The following ETFDH variants were observed in gnomAD, a reference collection of about 807,000 sequenced individuals.
The protein encoded by ETFDH is electron transfer flavoprotein dehydrogenase.
ETFDH carries 61 observed loss-of-function variants against 73.2 expected under a neutral mutation model. That is an observed-to-expected ratio of 0.83 (90% CI 0.68 to 1.03). The LOEUF (loss-of-function observed/expected upper bound fraction) is 1.03, where lower values mean the gene tolerates loss of function less well. ETFDH is among the 50% of genes least tolerant of loss of function. The pLI is 0.00. For synonymous variants in ETFDH, 243 were observed against 253.3 expected (o/e 0.96, Z 0.39); for missense variants, 685 against 745.0 (o/e 0.92, Z 0.94).
intron 6 of ETFDH, among the ~76,000 whole-genome samples, chr4:158,691,536 G>T (rs747539649): frequency 6.6e-6 from 1 of 151,858 alleles, no homozygotes; most frequent in Non-Finnish European, 1.5e-5. Context: ...TGTTGGCCAC[G>T]CTGGTCTTGA....
At position 158,672,354 on chromosome 4, in the gene ETFDH, C is replaced by T; in HGVS notation, c.-103C>T. On this transcript the variant is annotated 5_prime_UTR_variant, in exon 1 of 13. Transcript: ENST00000511912. The stretch of plus-strand genomic sequence containing the variant: ...GAACTGCAGCAGAGTTCTTGCTTTC[C>T]GGCAGGTGATGGCGCCCCCCGCGGC... The T allele has an allele frequency of 4.2e-6, 5 of 1,193,254 alleles. No homozygotes were observed. The highest frequency in any genetic ancestry group is 1.2e-5 in the South Asian group (1 of 82,682). The allele number at this position is 1,193,254 out of a possible 1,614,324, so 73.9% of individuals were successfully genotyped here.
At chr4:158,682,874 A>T (rs991847667) in intron 3 of ETFDH, among the ~76,000 whole-genome samples, 5 of 151,790 alleles carry the variant, frequency 3.3e-5, no homozygotes, top group Admixed American at 6.6e-5. Context: ...TTTTTAAATT[A>T]AAAAAAAATT....
At chr4:158,680,632 C>A (rs1773830962) in intron 2 of ETFDH, 25 bp downstream of exon 2, 2 of 1,589,456 alleles carry the variant, frequency 1.3e-6, no homozygotes, top group Admixed American at 1.7e-5. Flanking sequence ...GTGTACAATT[C>A]CTGAGACTTT....
chr4:158,673,161 G>A (rs1032508308), intron 1 of ETFDH, among the ~76,000 whole-genome samples: 1 of 152,156 alleles, frequency 6.6e-6, no homozygotes, highest in African/African-American at 2.4e-5. Flanking sequence ...AAAATTAGCT[G>A]GGCGTTGTGG....
intron 1 of ETFDH, among the ~76,000 whole-genome samples, chr4:158,673,886 A>G (rs541696977): frequency 1.4e-4 from 22 of 152,346 alleles, no homozygotes; most frequent in East Asian, 7.7e-4. Context: ...TGGTGATGCT[A>G]TGAGTTCAGT....
intron 1 of ETFDH, among the ~76,000 whole-genome samples, chr4:158,678,757 C>A (rs532699040): frequency 6.0e-5 from 9 of 151,218 alleles, no homozygotes; most frequent in African/African-American, 1.9e-4. Flanking sequence ...TAGTGATCAT[C>A]GTACCTCAGC....
At chr4:158,675,944 C>G (rs1423594490) in intron 1 of ETFDH, among the ~76,000 whole-genome samples, 6 of 152,086 alleles carry the variant, frequency 3.9e-5, no homozygotes, top group Non-Finnish European at 7.4e-5. Context: ...TTGCATTCCC[C>G]CAGGAGTGTA....
Position 158,672,411 on chromosome 4 carries a change from A to ACAGT in ETFDH, c.-44_-41dup. 6 of 1,609,794 alleles carry ACAGT rather than the reference A, an allele frequency of 3.7e-6. No individual in the cohort carries two copies. The highest frequency in any genetic ancestry group is 4.3e-6 in the Non-Finnish European group (5 of 1,176,162). On this transcript the variant is annotated 5_prime_UTR_variant, in exon 1 of 13. Coordinates refer to ENST00000511912, the MANE Select transcript of ETFDH (RefSeq NM_004453.4). The stretch of plus-strand genomic sequence containing the variant: ...GTCCAGCGCCCGCCGCGAGCAGCGG[A>ACAGT]CAGTCCTCCTGTTGTGTCCGACCGA...
At chr4:158,706,485 G>A in intron 11 of ETFDH, 114 bp downstream of exon 11, 1 of 1,116,742 alleles carries the variant, frequency 9.0e-7, no homozygotes, top group Non-Finnish European at 1.3e-6. Flanking sequence ...TATAAATTTA[G>A]TGTCTAAGAA....
At chr4:158,703,731 T>G in intron 10 of ETFDH, 140 bp downstream of exon 10, 1 of 637,030 alleles carries the variant, frequency 1.6e-6, no homozygotes, top group Non-Finnish European at 2.8e-6. Context: ...ACTACATGGC[T>G]TATTCTCAAT....
intron 8 of ETFDH, among the ~76,000 whole-genome samples, 189 bp from the exon 9 acceptor site, chr4:158,698,798 T>C (rs1774379065): frequency 6.6e-6 from 1 of 151,708 alleles, no homozygotes; most frequent in Non-Finnish European, 1.5e-5. Context: ...TCCTTTTCTT[T>C]ACCTTTTCTT....
chr4:158,684,798 C>T, intron 4 of ETFDH, 125 bp downstream of exon 4: 1 of 710,452 alleles, frequency 1.4e-6, no homozygotes, highest in Non-Finnish European at 2.6e-6. Flanking sequence ...AGGACTTACT[C>T]AAAGCTATAC....
rs1773807132 is a variant in ETFDH, at chr4:158,680,084, C to CAAAGAAAAAAAAA, written c.35-380_35-379insGAAAAAAAAAAAA. The CAAAGAAAAAAAAA allele has an allele frequency of 4.8e-5, 3 of 63,058 alleles. 1 individual carries two copies. The highest frequency in any genetic ancestry group is 8.7e-5 in the Non-Finnish European group (3 of 34,286). The allele number at this position is 63,058 out of a possible 1,614,324, so 3.9% of individuals were successfully genotyped here. A position where few individuals can be genotyped will look rare whatever the true frequency, so the allele number is the denominator to read the frequency against. ...TGGGTGACAGAGTGAGACTCTGTCT[C>CAAAGAAAAAAAAA]AAAAAAAAAAAAAAAAAGAAGAAGA... On this transcript the variant is annotated intron_variant, in intron 1 of 12. Transcript: ENST00000511912.
chr4:158,708,586 T>A lies in ETFDH; in HGVS notation c.*59T>A. On this transcript the variant is annotated 3_prime_UTR_variant, in exon 13 of 13. Coordinates refer to ENST00000511912, the MANE Select transcript of ETFDH (RefSeq NM_004453.4). Reference sequence around the variant, plus strand: ...AGCTAACGTTAAAATGTTTAGAGATTAACAGATTTCAGAATGTCTTTCTGC... The same window carrying A: ...AGCTAACGTTAAAATGTTTAGAGATAAACAGATTTCAGAATGTCTTTCTGC... 2 of 1,383,036 alleles carry A rather than the reference T, an allele frequency of 1.4e-6. No individual in the cohort carries two copies. The highest frequency in any genetic ancestry group is 2.1e-6 in the Non-Finnish European group (2 of 970,210). The allele number at this position is 1,383,036 out of a possible 1,614,324, so 85.7% of individuals were successfully genotyped here. A position where few individuals can be genotyped will look rare whatever the true frequency, so the allele number is the denominator to read the frequency against.
intron 1 of ETFDH, among the ~76,000 whole-genome samples, chr4:158,678,954 A>G (rs1474554557): frequency 2.0e-5 from 3 of 152,122 alleles, no homozygotes; most frequent in Non-Finnish European, 4.4e-5. Context: ...CCAGCCAACC[A>G]TAGTCTTCTA....
chr4:158,705,862 C>T (rs1774595554), intron 10 of ETFDH, among the ~76,000 whole-genome samples: 1 of 152,206 alleles, frequency 6.6e-6, no homozygotes, highest in African/African-American at 2.4e-5. Context: ...GGGCATATCA[C>T]TTGAGCCCAG....
intron 1 of ETFDH, among the ~76,000 whole-genome samples, chr4:158,675,252 T>C (rs1223679303): frequency 6.6e-6 from 1 of 152,210 alleles, no homozygotes; most frequent in Non-Finnish European, 1.5e-5. Context: ...CTCTATAAAC[T>C]AGCCTATTCT....
Position 158,706,699 on chromosome 4 carries a change from G to T in ETFDH, c.1539G>T (p.Gln513His). Residue 513 changes from glutamine to histidine, a missense_variant, in exon 12 of 13, where the codon CAG becomes CAT. Coordinates refer to ENST00000511912, the MANE Select transcript of ETFDH (RefSeq NM_004453.4). ...TTGAGTATCCAAAACCCGATGGACA[G>T]ATCAGTTTTGACCTCTTGTCATCTG... ...TPIEYPKPDGQISFDLLSSVA... is the reference protein window; with the variant it reads ...TPIEYPKPDGHISFDLLSSVA... The T allele has an allele frequency of 3.1e-6, 5 of 1,614,100 alleles. No homozygotes were observed. The highest frequency in any genetic ancestry group is 4.2e-6 in the Non-Finnish European group (5 of 1,179,990).
intron 11 of ETFDH, 50 bp downstream of exon 11, chr4:158,706,421 G>A (rs750314052): frequency 7.1e-6 from 10 of 1,407,826 alleles, no homozygotes; most frequent in Middle Eastern, 1.8e-4. Flanking sequence ...ATTCATGAAT[G>A]GGATCTGTTA....
Sources: gnomAD v4.1 joint callset for allele counts (sites outside exome capture counted in the v4.1 genomes callset) on GRCh38, gnomAD v4.1.1 for gene constraint, MANE v1.5 for transcripts, NCBI Gene and HGNC (gene_info 2026-07-23, HGNC 2026-07-21) for gene names.